The following GRIN2D variants were observed in gnomAD, a reference collection of about 807,000 sequenced individuals.
GRIN2D encodes the protein glutamate ionotropic receptor NMDA type subunit 2D, also known as glutamate receptor ionotropic, NMDA 2D.
A neutral mutation model predicts 103.2 loss-of-function variants in GRIN2D; 37 were observed. The observed-to-expected ratio is 0.36, with a 90% CI of 0.28 to 0.47. The LOEUF is 0.47. Ranked by LOEUF, GRIN2D falls within the 20% of genes least tolerant of loss-of-function variation. The pLI is 1.00. For missense variants in GRIN2D, 1,557 were observed against 1,910.6 expected (o/e 0.81, Z 3.45); for synonymous variants, 845 against 885.6 (o/e 0.95, Z 0.81).
chr19:48,413,913 A>G (rs1235471082), intron 4 of GRIN2D, 78 bp from the exon 5 acceptor site: 3 of 822,678 alleles, frequency 3.6e-6, no homozygotes, highest in Non-Finnish European at 6.4e-6. Context: ...TGGTCTGCAG[A>G]AAGGGGACTT....
rs1364298279 is a variant in GRIN2D at position 48,443,147 on chromosome 19, C to G, written c.3221C>G (p.Pro1074Arg). 1.0e-5 allele frequency: 10 copies of G among 992,794 alleles called. No individual in the cohort carries two copies. The highest frequency in any genetic ancestry group is 3.6e-5 in the African/African-American group (2 of 56,314). 61.5% of individuals were successfully genotyped at this position (992,794 alleles called of 1,614,324 possible). Residue 1074 changes from proline (P) to arginine (R), a missense_variant, in exon 14 of 14, where the codon CCA (proline) becomes CGA (arginine). Pro to Arg is a moderately radical substitution (Grantham distance 103). Transcript: ENST00000263269. The surrounding 1 kb of genome is among the most constrained non-coding windows in gnomAD (Gnocchi z 8.9). ...CCCGAGAGCCAACCCCTGCTGGGGC[C>G]AGGCGCGGGCGGCGCGGGGGGCACG... ...SDPESQPLLGPGAGGAGGTGG... is the reference protein window; with the variant it reads ...SDPESQPLLGRGAGGAGGTGG...
At chr19:48,417,924 GA>G (rs1470944581) in intron 8 of GRIN2D, among the ~76,000 whole-genome samples, 1 of 152,100 alleles carries the variant, frequency 6.6e-6, no homozygotes, top group Non-Finnish European at 1.5e-5. Context: ...GTGAGGAGGG[GA>G]CACATGAATG....
chr19:48,443,130 C>T lies in GRIN2D; in HGVS notation c.3204C>T (p.Ser1068=). The T allele has an allele frequency of 2.0e-6, 2 of 1,004,106 alleles. No homozygotes were observed. Among genetic ancestry groups the T allele is most frequent in the Non-Finnish European group, 2.4e-6 (2 of 842,980 alleles). The allele number at this position is 1,004,106 out of a possible 1,614,324, so 62.2% of individuals were successfully genotyped here. Reference sequence around the variant, plus strand: ...GGTGGCCGCGCTCGGACCCCGAGAGCCAACCCCTGCTGGGGCCAGGCGCGG... The same window carrying T: ...GGTGGCCGCGCTCGGACCCCGAGAGTCAACCCCTGCTGGGGCCAGGCGCGG... The part of the protein sequence containing the change: ...PARWPRSDPE[S]QPLLGPGAGG... The change falls in exon 14 of 14, where the codon AGC becomes AGT. Residue 1068 remains serine, a synonymous_variant. Coordinates refer to ENST00000263269, the MANE Select transcript of GRIN2D (RefSeq NM_000836.4). The surrounding 1 kb of genome is among the most constrained non-coding windows in gnomAD (Gnocchi z 8.9).
At position 48,393,871 on chromosome 19, in the gene GRIN2D, G is replaced by A. The variant is rs1240390653; in HGVS notation, c.-306+3G>A. The stretch of plus-strand genomic sequence containing the variant: ...CTCGAGCGTCTGCCATCTGCCCGGT[G>A]AGGATCTGTGTGTCCGGGTGTCTGG... On this transcript the variant is annotated splice_donor_region_variant and intron_variant, in intron 1 of 13. Coordinates refer to ENST00000263269, the MANE Select transcript of GRIN2D (RefSeq NM_000836.4). The surrounding 1 kb of genome is among the most constrained non-coding windows in gnomAD (Gnocchi z 5.6). 6.6e-6 allele frequency among the ~76,000 whole-genome samples: 1 copy of A among 151,994 alleles called. No individual in the cohort carries two copies. The highest frequency in any genetic ancestry group is 1.5e-5 in the Non-Finnish European group (1 of 67,988).
Position 48,414,706 on chromosome 19 carries a change from G to A in GRIN2D, c.1412+122G>A. 1 of 1,253,650 alleles carries A rather than the reference G, an allele frequency of 8.0e-7. No individual in the cohort carries two copies. Among genetic ancestry groups the A allele is most frequent in the Non-Finnish European group, 1.1e-6 (1 of 904,968 alleles). The allele number at this position is 1,253,650 out of a possible 1,614,324, so 77.7% of individuals were successfully genotyped here. A position where few individuals can be genotyped will look rare whatever the true frequency, so the allele number is the denominator to read the frequency against. On this transcript the variant is annotated intron_variant, in intron 6 of 13. Coordinates refer to ENST00000263269, the MANE Select transcript of GRIN2D (RefSeq NM_000836.4). The surrounding 1 kb of genome is among the most constrained non-coding windows in gnomAD (Gnocchi z 4.6). ...GACCCACAAAGCCCTCCAGCTTGGT[G>A]ACCTTAGGCAAACCTCAGAATTCTT...
rs141973686 is a variant in GRIN2D, at chr19:48,421,255, C to T, written c.2092-530C>T. Among the ~76,000 whole-genome samples, 749 of 152,000 alleles carry T rather than the reference C, an allele frequency of 4.9e-3. 4 individuals are homozygous for T. The highest frequency in any genetic ancestry group is 0.017 in the African/African-American group (689 of 41,432). On this transcript the variant is annotated intron_variant, in intron 10 of 13. Coordinates refer to ENST00000263269, the MANE Select transcript of GRIN2D (RefSeq NM_000836.4). This position sits in a 1 kb window ranked among gnomAD's most constrained non-coding sequence, Gnocchi z 4.8. ...ACCAGCCTGACCAACATGGAGAAAC[C>T]CCATCTCTACTAAAAATACAAAACT... is the stretch of plus-strand genomic sequence containing the variant.
chr19:48,402,406 G>C (rs550307438), intron 3 of GRIN2D, among the ~76,000 whole-genome samples: 1 of 152,096 alleles, frequency 6.6e-6, no homozygotes, highest in African/African-American at 2.4e-5. Flanking sequence ...AAAGGCAGCT[G>C]CTCTTTATTC....
chr19:48,434,424 T>C (rs1405703981), intron 11 of GRIN2D, among the ~76,000 whole-genome samples: 1 of 152,112 alleles, frequency 6.6e-6, no homozygotes, highest in Non-Finnish European at 1.5e-5. Context: ...CAGCTAGTTC[T>C]TTTTATTTTT....
At chr19:48,417,795 C>T (rs576908407) in intron 8 of GRIN2D, among the ~76,000 whole-genome samples, 158 of 152,256 alleles carry the variant, frequency 1.0e-3, no homozygotes, top group African/African-American at 3.6e-3. Flanking sequence ...GTGACGGGGG[C>T]AGTCCTGACA....
chr19:48,409,403 G>A (rs1054998876), intron 4 of GRIN2D, among the ~76,000 whole-genome samples: 18 of 148,252 alleles, frequency 1.2e-4, no homozygotes, highest in Non-Finnish European at 2.2e-4. Context: ...CTCAGCCTCC[G>A]AGTAGCTGGG....
At chr19:48,411,353 T>TAAA (rs1419492980) in intron 4 of GRIN2D, among the ~76,000 whole-genome samples, 1 of 148,586 alleles carries the variant, frequency 6.7e-6, no homozygotes, top group Non-Finnish European at 1.5e-5. Context: ...ATAATAATAA[T>TAAA]AATAATAATA....
chr19:48,398,113 A>T (rs1467632772), intron 2 of GRIN2D, among the ~76,000 whole-genome samples: 1 of 112,842 alleles, frequency 8.9e-6, no homozygotes, highest in Non-Finnish European at 1.9e-5. Context: ...ATCTCTCTCT[A>T]CCTCTGCCCG....
At position 48,394,587 on chromosome 19, in the gene GRIN2D, G is replaced by C. The variant is rs1470153357; in HGVS notation, c.-305-71G>C. 1.3e-5 allele frequency among the ~76,000 whole-genome samples: 2 copies of C among 149,616 alleles called. No homozygotes were observed. The highest frequency in any genetic ancestry group is 3.0e-5 in the Non-Finnish European group (2 of 67,360). ...GGGCACCCCGGGTGGGCGGAGGGGG[G>C]ATCCCCACGGGGTCGGGGCGGCAAG... On this transcript the variant is annotated intron_variant, in intron 1 of 13. Transcript: ENST00000263269. This position sits in a 1 kb window ranked among gnomAD's most constrained non-coding sequence, Gnocchi z 5.1.
chr19:48,418,018 A>G (rs1477423496), intron 8 of GRIN2D, among the ~76,000 whole-genome samples: 1 of 149,422 alleles, frequency 6.7e-6, no homozygotes, highest in Non-Finnish European at 1.5e-5. Flanking sequence ...TCGCTGATTC[A>G]GGCACCTGCG....
chr19:48,437,516 G>C (rs576693116), intron 11 of GRIN2D, among the ~76,000 whole-genome samples: 1 of 152,292 alleles, frequency 6.6e-6, no homozygotes, highest in Admixed American at 6.5e-5. Flanking sequence ...GCAAACCATT[G>C]AAAGTGAATG....
intron 3 of GRIN2D, 84 bp from the exon 4 acceptor site, chr19:48,404,650 T>G: frequency 7.4e-7 from 1 of 1,344,222 alleles, no homozygotes; most frequent in African/African-American, 1.5e-5. Flanking sequence ...GTCTGCCATA[T>G]TGGGAGCTGT....
chr19:48,413,910 C>T (rs1970908460), intron 4 of GRIN2D, 81 bp from the exon 5 acceptor site: 1 of 805,338 alleles, frequency 1.2e-6, no homozygotes, highest in East Asian at 2.5e-5. Flanking sequence ...GGCTGGTCTG[C>T]AGAAAGGGGA....
rs1444139216 is a variant in GRIN2D, at chr19:48,419,243, GC to G, written c.1749del (p.Ala584ProfsTer4). 1 of 1,608,024 alleles carries G rather than the reference GC, an allele frequency of 6.2e-7. No individual in the cohort carries two copies. The highest frequency in any genetic ancestry group is 8.5e-7 in the Non-Finnish European group (1 of 1,178,790). ...ACTCCCTTGTCCCCAGAGCCCTACA[GC>G]CCCGCCGTGTGGGTGATGATGTTCG... ...VSPSAFLEPY[S>X]PAVWVMMFVM... is the part of the protein sequence containing the mutation. On this transcript the variant is annotated frameshift_variant, in exon 9 of 14. Transcript: ENST00000263269. LOFTEE classifies it high-confidence loss of function.
rs1199433797 is a variant in GRIN2D, at chr19:48,442,760, G to A, written c.2834G>A (p.Arg945Gln). ...RERASVDRWR[R>Q]TKGAGPPGGA... Reference sequence around the variant, plus strand: ...CGCGCCTCAGTGGACCGCTGGCGCCGGACCAAGGGCGCGGGGCCGCCGGGG... The same window carrying A: ...CGCGCCTCAGTGGACCGCTGGCGCCAGACCAAGGGCGCGGGGCCGCCGGGG... The change falls in exon 14 of 14, where the codon CGG (arginine) becomes CAG (glutamine). Residue 945 changes from arginine (R) to glutamine (Q), a missense_variant. By Grantham distance (43) the Arg-to-Gln change is conservative (BLOSUM62 1). Coordinates refer to ENST00000263269, the MANE Select transcript of GRIN2D (RefSeq NM_000836.4). The surrounding 1 kb of genome is among the most constrained non-coding windows in gnomAD (Gnocchi z 7.2). 1.1e-5 allele frequency: 12 copies of A among 1,077,918 alleles called. No homozygotes were observed. Among genetic ancestry groups the A allele is most frequent in the Non-Finnish European group, 1.3e-5 (12 of 890,454 alleles). 66.8% of individuals were successfully genotyped at this position (1,077,918 alleles called of 1,614,324 possible). A position where few individuals can be genotyped will look rare whatever the true frequency, so the allele number is the denominator to read the frequency against.
Sources: allele counts gnomAD v4.1 joint callset (sites outside exome capture counted in the v4.1 genomes callset), GRCh38; gene constraint gnomAD v4.1.1; non-coding constraint Gnocchi (gnomAD v3.1); transcripts MANE v1.5; gene names NCBI Gene and HGNC (gene_info 2026-07-23, HGNC 2026-07-21).